PSPC1: variants seen among roughly 807,000 people sequenced by gnomAD.
PSPC1 encodes the protein paraspeckle protein 1.
In PSPC1, 14 loss-of-function variants were observed where a neutral mutation model predicts 51.6. The observed-to-expected ratio is 0.27, with a 90% CI of 0.18 to 0.42. The LOEUF (loss-of-function observed/expected upper bound fraction) is 0.42. Ranked by LOEUF, PSPC1 falls within the 10% of genes least tolerant of loss-of-function variation. PSPC1 has a pLI of 1.00. For missense variants in PSPC1, 406 were observed against 701.1 expected (o/e 0.58, Z 4.75); for synonymous variants, 193 against 231.9 (o/e 0.83, Z 1.53).
At chr13:19,699,493 TGATCTTGTAAA>T (rs1879648363), downstream of PSPC1, 2 of 152,148 alleles carry the variant, frequency 1.3e-5, no homozygotes, top group South Asian at 4.1e-4. Flanking sequence ...GGAAACAAAA[TGATCTTGTAAA>T]GTATAAGACT....
At chr13:19,719,027 G>A (rs3929805) in intron 6 of PSPC1, among the ~76,000 whole-genome samples, 138,379 of 150,914 alleles carry the variant, frequency 0.92, 64,551 homozygotes, top group Non-Finnish European at 1. Context: ...TCTGTATGAT[G>A]CTATAATCAT....
At chr13:19,742,260 C>CAAAAAA (rs36104148) in intron 4 of PSPC1, among the ~76,000 whole-genome samples, 14 of 119,042 alleles carry the variant, frequency 1.2e-4, no homozygotes, top group Non-Finnish European at 2.0e-4. Flanking sequence ...GACTCAATCT[C>CAAAAAA]AAAAAAAAAA....
intron 7 of PSPC1, among the ~76,000 whole-genome samples, chr13:19,677,401 T>C (rs1565951224): frequency 1.3e-5 from 2 of 152,114 alleles, no homozygotes; most frequent in African/African-American, 4.8e-5. Context: ...TCATTTCCCC[T>C]CTTAGTCCAG....
At chr13:19,688,636 C>G (rs78278318) in intron 6 of PSPC1, among the ~76,000 whole-genome samples, 1 of 152,184 alleles carries the variant, frequency 6.6e-6, no homozygotes, top group Non-Finnish European at 1.5e-5. Context: ...ATCTACCCCA[C>G]GCTGGCTGCG....
At chr13:19,692,346 G>T (rs1878671294) in intron 6 of PSPC1, among the ~76,000 whole-genome samples, 1 of 152,122 alleles carries the variant, frequency 6.6e-6, no homozygotes, top group Admixed American at 6.5e-5. Flanking sequence ...CAACTTGTGA[G>T]CTCAAGTGAT....
downstream of PSPC1, chr13:19,671,889 A>C: frequency 6.2e-7 from 1 of 1,613,626 alleles, no homozygotes. Flanking sequence ...AACAGAAGGG[A>C]CTGGGCGGAG....
At chr13:19,758,337 A>G (rs1187524908) in intron 3 of PSPC1, among the ~76,000 whole-genome samples, 1 of 151,550 alleles carries the variant, frequency 6.6e-6, no homozygotes, top group African/African-American at 2.4e-5. Context: ...GCACTCATAT[A>G]GGCAATTTAT....
intron 5 of PSPC1, 46 bp downstream of exon 5, chr13:19,741,519 T>G (rs746544061): frequency 7.4e-6 from 10 of 1,357,262 alleles, no homozygotes; most frequent in Non-Finnish European, 1.0e-5. Flanking sequence ...GGAGTTTTTA[T>G]TAATAAGACA....
chr13:19,697,285 G>A (rs2137683814), intron 6 of PSPC1, among the ~76,000 whole-genome samples: 1 of 152,260 alleles, frequency 6.6e-6, no homozygotes, highest in South Asian at 2.1e-4. Flanking sequence ...GTTTTAATGA[G>A]CCTCCCAGGT....
At chr13:19,678,994 T>A (rs1180017853) in intron 6 of PSPC1, 1 of 152,198 alleles carries the variant, frequency 6.6e-6, no homozygotes, top group Non-Finnish European at 1.5e-5. Flanking sequence ...GCGCAGGCAA[T>A]CCTCCAGCCT....
intron 6 of PSPC1, among the ~76,000 whole-genome samples, chr13:19,691,952 G>A (rs567999965): frequency 1.6e-4 from 24 of 152,090 alleles, no homozygotes; most frequent in African/African-American, 5.8e-4. Context: ...TCTGGGAGAC[G>A]GAGGAACCAC....
At chr13:19,740,155 C>T (rs1223763411) in intron 5 of PSPC1, among the ~76,000 whole-genome samples, 2 of 152,062 alleles carry the variant, frequency 1.3e-5, no homozygotes, top group Non-Finnish European at 2.9e-5. Flanking sequence ...ACCAGCCTGA[C>T]CAACATGGAG....
intron 3 of PSPC1, among the ~76,000 whole-genome samples, chr13:19,753,880 A>G (rs1886811899): frequency 6.6e-6 from 1 of 152,082 alleles, no homozygotes; most frequent in Non-Finnish European, 1.5e-5. Context: ...GGAAAGTGGG[A>G]AAGATTGGGA....
At chr13:19,760,845 G>A (rs562999268) in intron 2 of PSPC1, among the ~76,000 whole-genome samples, 11 of 150,998 alleles carry the variant, frequency 7.3e-5, no homozygotes, top group South Asian at 4.2e-4. Flanking sequence ...AAAATTAGCC[G>A]GGCGTGGTGG....
intron 5 of PSPC1, among the ~76,000 whole-genome samples, chr13:19,740,846 C>A (rs1458270146): frequency 6.6e-6 from 1 of 152,004 alleles, no homozygotes; most frequent in East Asian, 1.9e-4. Context: ...GTCCCCATAA[C>A]CCCTTTTAAC....
intron 1 of PSPC1, among the ~76,000 whole-genome samples, chr13:19,780,070 C>G (rs1593798631): frequency 3.1e-5 from 4 of 129,896 alleles, no homozygotes; most frequent in Non-Finnish European, 5.2e-5. Flanking sequence ...GCGCCTCTGC[C>G]CGGCCGCCCC....
chr13:19,695,515 A>G (rs1391894473), intron 6 of PSPC1, among the ~76,000 whole-genome samples: 1 of 152,182 alleles, frequency 6.6e-6, no homozygotes, highest in Non-Finnish European at 1.5e-5. Flanking sequence ...AAGTAGTCTT[A>G]TTTTTCCCAA....
intron 8 of PSPC1, among the ~76,000 whole-genome samples, 177 bp from the exon 9 acceptor site, chr13:19,703,537 G>GT (rs201933827): frequency 4.6e-4 from 69 of 151,356 alleles, no homozygotes; most frequent in East Asian, 1.4e-3. Context: ...TAGTTACTAT[G>GT]TTTTTTTTAA....
intron 4 of PSPC1, among the ~76,000 whole-genome samples, chr13:19,746,822 A>T (rs906899815): frequency 6.7e-6 from 1 of 150,288 alleles, no homozygotes; most frequent in Non-Finnish European, 1.5e-5. Context: ...AAGAATCAAC[A>T]TTTACGGCTG....
Sources: allele counts gnomAD v4.1 joint callset (sites outside exome capture counted in the v4.1 genomes callset), GRCh38; gene constraint gnomAD v4.1.1; transcripts MANE v1.5; gene names NCBI Gene and HGNC (gene_info 2026-07-23, HGNC 2026-07-21).